The following GLIS3 variants were observed in gnomAD, a reference collection of about 807,000 sequenced individuals.
GLIS3 encodes the protein GLIS family zinc finger 3.
A neutral mutation model predicts 78.6 loss-of-function variants in GLIS3; 53 were observed. That is an observed-to-expected ratio of 0.67 (90% confidence interval 0.54 to 0.85). GLIS3 has a LOEUF of 0.85. Among genes scored for constraint, GLIS3 ranks in the 40% least tolerant of loss-of-function variants. The pLI, the probability that GLIS3 is intolerant of heterozygous loss-of-function variation, is 0.00. For synonymous variants in GLIS3, 684 were observed against 509.9 expected, an observed-to-expected ratio of 1.34 and a Z score of -4.60; for missense variants, 1,703 against 1,231.1, an observed-to-expected ratio of 1.38 and a Z score of -5.74.
chr9:4,197,177 A>C (rs889670841), intron 2 of GLIS3, among the ~76,000 whole-genome samples: 2 of 152,062 alleles, frequency 1.3e-5, no homozygotes, highest in Non-Finnish European at 2.9e-5. Flanking sequence ...GGCAGTAGGC[A>C]GATCTCCAGG....
intron 4 of GLIS3, among the ~76,000 whole-genome samples, chr9:3,988,280 A>G (rs776857503): frequency 1.3e-4 from 20 of 152,360 alleles, no homozygotes; most frequent in Admixed American, 9.8e-4. Flanking sequence ...CTGACTAAAG[A>G]AAGATCTTCC....
chr9:4,464,623 G>A, the GLIS3 span, among the ~76,000 whole-genome samples: 2 of 152,068 alleles, frequency 1.3e-5, no homozygotes, highest in African/African-American at 4.8e-5. Flanking sequence ...TTGAACTCCT[G>A]ACCTCAAGTG....
At chr9:4,416,263 A>T in the GLIS3 span, among the ~76,000 whole-genome samples, 6 of 147,888 alleles carry the variant, frequency 4.1e-5, no homozygotes, top group East Asian at 1.2e-3. Flanking sequence ...AAAAAAAAAA[A>T]AAAAAAAAAA....
chr9:4,367,269 T>C, the GLIS3 span, among the ~76,000 whole-genome samples: 1 of 152,188 alleles, frequency 6.6e-6, no homozygotes, highest in Non-Finnish European at 1.5e-5. Flanking sequence ...TGTTGAACTC[T>C]CTCCCTTCAG....
chr9:4,457,760 G>C, the GLIS3 span, among the ~76,000 whole-genome samples: 2 of 150,348 alleles, frequency 1.3e-5, no homozygotes, highest in Admixed American at 6.7e-5. Context: ...TGAGGCAGAA[G>C]AATCACTTGA....
chr9:4,060,586 G>T (rs1826564415), intron 4 of GLIS3, among the ~76,000 whole-genome samples: 1 of 152,102 alleles, frequency 6.6e-6, no homozygotes, highest in Non-Finnish European at 1.5e-5. Flanking sequence ...GTGGCTTTAT[G>T]AGAAGAGAAG....
chr9:3,881,337 G>A (rs1296388579), intron 7 of GLIS3, among the ~76,000 whole-genome samples: 3 of 151,966 alleles, frequency 2.0e-5, no homozygotes, highest in Non-Finnish European at 2.9e-5. Context: ...TGTAGTTGCT[G>A]AATGCACCCA....
chr9:3,870,542 G>A (rs370604332), intron 8 of GLIS3, among the ~76,000 whole-genome samples: 42 of 152,188 alleles, frequency 2.8e-4, no homozygotes, highest in African/African-American at 9.9e-4. Context: ...CACAATCATG[G>A]CAGAAGGTAA....
At chr9:4,096,206 G>A (rs941880235) in intron 4 of GLIS3, among the ~76,000 whole-genome samples, 1 of 152,128 alleles carries the variant, frequency 6.6e-6, no homozygotes, top group Non-Finnish European at 1.5e-5. Context: ...CTTAAAATCT[G>A]TGTTTCTACA....
At chr9:3,974,265 C>T (rs1310323223) in intron 4 of GLIS3, among the ~76,000 whole-genome samples, 2 of 152,078 alleles carry the variant, frequency 1.3e-5, no homozygotes, top group Admixed American at 6.6e-5. Flanking sequence ...TCAACAAATT[C>T]AGTGAATACA....
chr9:3,980,360 A>G (rs1483397876), intron 4 of GLIS3, among the ~76,000 whole-genome samples: 1 of 152,218 alleles, frequency 6.6e-6, no homozygotes. Flanking sequence ...CACTCGACGT[A>G]AGTGGCAGAG....
At chr9:3,971,153 T>G (rs114613240) in intron 4 of GLIS3, among the ~76,000 whole-genome samples, 1 of 151,944 alleles carries the variant, frequency 6.6e-6, no homozygotes, top group Non-Finnish European at 1.5e-5. Context: ...CCTTATGCTT[T>G]CCATCACCAT....
chr9:4,192,810 A>T (rs777397311), intron 2 of GLIS3, among the ~76,000 whole-genome samples: 12 of 50,662 alleles, frequency 2.4e-4, no homozygotes, highest in Non-Finnish European at 4.8e-4. Flanking sequence ...ACAATATTTA[A>T]AAAAAAAAAA....
chr9:4,387,195 T>C, the GLIS3 span, among the ~76,000 whole-genome samples: 2 of 152,204 alleles, frequency 1.3e-5, no homozygotes, highest in Non-Finnish European at 2.9e-5. Flanking sequence ...TGTTCTAGAA[T>C]CTCTGTGCTT....
At chr9:3,839,754 T>C (rs1419992260) in intron 9 of GLIS3, among the ~76,000 whole-genome samples, 1 of 152,210 alleles carries the variant, frequency 6.6e-6, no homozygotes, top group Non-Finnish European at 1.5e-5. Context: ...CTTGCCACTT[T>C]TGTTGAGGTT....
intron 2 of GLIS3, among the ~76,000 whole-genome samples, chr9:4,258,057 T>C (rs968335536): frequency 6.6e-6 from 1 of 152,208 alleles, no homozygotes; most frequent in African/African-American, 2.4e-5. Flanking sequence ...TTTGCTAATG[T>C]ATGCCTATGT....
rs1817751438 is a variant in GLIS3 at position 3,826,831 on chromosome 9, A to C, written c.*1441T>G. The C allele has an allele frequency of 6.6e-6, 1 of 152,228 alleles. No homozygotes were observed. The highest frequency in any genetic ancestry group is 2.1e-4 in the South Asian group (1 of 4,832). The allele number at this position is 152,228 out of a possible 1,614,324, so 9.4% of individuals were successfully genotyped here. On this transcript the variant is annotated 3_prime_UTR_variant, in exon 11 of 11. Coordinates refer to ENST00000381971, the MANE Select transcript of GLIS3 (RefSeq NM_001042413.2). ...CAGAAAAACATTTTTAAAAAGTGAG[A>C]AAAAATACTTGAAATATGATAGTAC...
rs1251852144 is a variant in GLIS3 at position 3,962,948 on chromosome 9, G to GA, written c.1711-25760_1711-25759insT. On this transcript the variant is annotated intron_variant, in intron 4 of 10. Transcript: ENST00000381971. ...CCAACAAGATCTGCTGTGATTTAAG[G>GA]GGGGGGGGGGGAGAGAGATTTATTG... Among the ~76,000 whole-genome samples the GA allele has an allele frequency of 8.7e-5, 5 of 57,786 alleles. No individual in the cohort carries two copies. In the East Asian group the frequency reaches 1.0e-3, roughly 12 times the overall value. The allele number at this position is 57,786 out of a possible 152,430, so 37.9% of individuals were successfully genotyped here. A position where few individuals can be genotyped will look rare whatever the true frequency, so the allele number is the denominator to read the frequency against.
chr9:3,890,532 A>G (rs1294461704), intron 7 of GLIS3, among the ~76,000 whole-genome samples: 1 of 152,196 alleles, frequency 6.6e-6, no homozygotes. Flanking sequence ...GAACATGAGC[A>G]TCTGCCAATT....
Sources: gnomAD v4.1 joint callset for allele counts (sites outside exome capture counted in the v4.1 genomes callset) on GRCh38, gnomAD v4.1.1 for gene constraint, MANE v1.5 for transcripts, NCBI Gene and HGNC (gene_info 2026-07-23, HGNC 2026-07-21) for gene names.